RASAL3: variants seen among roughly 807,000 people sequenced by gnomAD.
The protein encoded by RASAL3 is RAS protein activator like-3.
In RASAL3, 74 loss-of-function variants were observed where a neutral mutation model predicts 105.5. That is an observed-to-expected ratio of 0.70 (90% CI 0.58 to 0.85). RASAL3 has a LOEUF of 0.85. RASAL3 is among the 40% of genes least tolerant of loss of function. The pLI is 0.00. For missense variants in RASAL3, 1,352 were observed against 1,392.0 expected (o/e 0.97, Z 0.46); for synonymous variants, 579 against 591.6 (o/e 0.98, Z 0.31).
chr19:15,452,487 C>T, intron 16 of RASAL3, 171 bp downstream of exon 16: 3 of 646,204 alleles, frequency 4.6e-6, no homozygotes, highest in Non-Finnish European at 5.2e-6. Context: ...GGTGGGTCCA[C>T]CTGGGGGCGG....
In RASAL3 at chr19:15,457,416, G is replaced by C; in HGVS notation, c.1307C>G (p.Ala436Gly). 6.9e-7 allele frequency: 1 copy of C among 1,447,692 alleles called. No individual in the cohort carries two copies. The allele number at this position is 1,447,692 out of a possible 1,614,324, so 89.7% of individuals were successfully genotyped here. ...CGCATAGTGGAAGGTGAGGAACTCC[G>C]CCAGCTCCTTGTAGCGCTCGGACGG... ...VLPSERYKEL[A>G]EFLTFHYARL... Residue 436 changes from alanine (A) to glycine (G), a missense_variant, in exon 9 of 18, where the codon GCG becomes GGG. Ala to Gly is a moderately conservative substitution (Grantham distance 60, BLOSUM62 0). Transcript: ENST00000343625. This position sits in a 1 kb window ranked among gnomAD's most constrained non-coding sequence, Gnocchi z 8.6.
intron 4 of RASAL3, 30 bp from the exon 5 acceptor site, chr19:15,461,151 G>A: frequency 6.2e-7 from 1 of 1,613,624 alleles, no homozygotes; most frequent in Non-Finnish European, 8.5e-7. Flanking sequence ...GCAGGTTGGG[G>A]GGTTGGATTC....
chr19:15,452,938 C>T, intron 15 of RASAL3, 123 bp from the exon 16 acceptor site: 1 of 1,458,400 alleles, frequency 6.9e-7, no homozygotes, highest in Non-Finnish European at 9.2e-7. Flanking sequence ...GGGAACATCC[C>T]TCCTGCGGTA....
rs903235768 is a variant in RASAL3 at position 15,456,584 on chromosome 19, C to G, written c.1494G>C (p.Leu498=). The G allele has an allele frequency of 6.2e-7, 1 of 1,613,756 alleles. No homozygotes were observed. Among genetic ancestry groups the G allele is most frequent in the Non-Finnish European group, 8.5e-7 (1 of 1,179,814 alleles). The change falls in exon 10 of 18, where the codon CTG becomes CTC. Residue 498 remains leucine, a synonymous_variant. Coordinates refer to ENST00000343625, the MANE Select transcript of RASAL3 (RefSeq NM_022904.3). This position sits in a 1 kb window ranked among gnomAD's most constrained non-coding sequence, Gnocchi z 4.4. Reference sequence around the variant, plus strand: ...TGGTGGCCAATGTGTTTTCCCGGAACAGCAGCGCCTCACGGCCTCCACAGC... The same window carrying G: ...TGGTGGCCAATGTGTTTTCCCGGAAGAGCAGCGCCTCACGGCCTCCACAGC... ...LARCGGREAL[L]FRENTLATKA... is the part of the protein sequence containing the mutation.
intron 4 of RASAL3, 48 bp from the exon 5 acceptor site, chr19:15,461,169 C>T (rs1370507672): frequency 2.5e-6 from 4 of 1,613,560 alleles, no homozygotes; most frequent in Non-Finnish European, 1.7e-6. Flanking sequence ...TTCTGCCCCA[C>T]TTTTAGAGCC....
Position 15,456,281 on chromosome 19 carries a change from G to A in RASAL3, c.1577-33C>T. The A allele has an allele frequency of 6.2e-7, 1 of 1,603,748 alleles. No individual in the cohort carries two copies. The stretch of plus-strand genomic sequence containing the variant: ...CCAGCACAGCCAGATAGGGGCTGGG[G>A]CCATGACCACCAAAACCTGCCACAC... On this transcript the variant is annotated intron_variant, in intron 10 of 17. Transcript: ENST00000343625. The surrounding 1 kb of genome is among the most constrained non-coding windows in gnomAD (Gnocchi z 4.4).
rs1970337768 is a variant in RASAL3, at chr19:15,456,851, CA to C, written c.1432-206del. 240 of 638,456 alleles carry C rather than the reference CA, an allele frequency of 3.8e-4. 4 individuals are homozygous for C. In the South Asian group the frequency reaches 4.8e-3, roughly 13 times the overall value. 39.5% of individuals were successfully genotyped at this position (638,456 alleles called of 1,614,324 possible). On this transcript the variant is annotated intron_variant, in intron 9 of 17. Coordinates refer to ENST00000343625, the MANE Select transcript of RASAL3 (RefSeq NM_022904.3). This position sits in a 1 kb window ranked among gnomAD's most constrained non-coding sequence, Gnocchi z 4.4. ...ATTTAAGCCTTTCAGCGCTGAGGTG[CA>C]ACCTGGGCCCCGCCCCTCACGCGTG...
intron 2 of RASAL3, among the ~76,000 whole-genome samples, chr19:15,463,664 G>T (rs1970580249): frequency 6.6e-6 from 1 of 152,202 alleles, no homozygotes; most frequent in African/African-American, 2.4e-5. Flanking sequence ...AGACACGGAA[G>T]CTAGAAGGTA....
rs1970319055 is a variant in RASAL3, at chr19:15,456,346, C to T, written c.1577-98G>A. 1 of 1,549,220 alleles carries T rather than the reference C, an allele frequency of 6.5e-7. No individual in the cohort carries two copies. Among genetic ancestry groups the T allele is most frequent in the Admixed American group, 1.9e-5 (1 of 53,342 alleles). On this transcript the variant is annotated intron_variant, in intron 10 of 17. Transcript: ENST00000343625. This position sits in a 1 kb window ranked among gnomAD's most constrained non-coding sequence, Gnocchi z 4.4. ...TGTCTTCAGGTTATTCCGGAGGCACCCAACATCTTGGGGAGCTCCCAATTG... is the reference window on the plus strand; with the variant it reads ...TGTCTTCAGGTTATTCCGGAGGCACTCAACATCTTGGGGAGCTCCCAATTG...
intron 15 of RASAL3, 31 bp from the exon 16 acceptor site, chr19:15,452,846 C>G (rs956853798): frequency 2.0e-6 from 3 of 1,505,456 alleles, no homozygotes; most frequent in Non-Finnish European, 2.7e-6. Context: ...TAATCTGACC[C>G]GTTGTCCCGC....
intron 6 of RASAL3, 137 bp from the exon 7 acceptor site, chr19:15,458,792 G>A (rs867056230): frequency 1.3e-4 from 115 of 889,320 alleles, no homozygotes; most frequent in Non-Finnish European, 1.6e-4. Flanking sequence ...CCCACCCCCC[G>A]CCATGGCACC....
Position 15,453,634 on chromosome 19 carries a change from C to T in RASAL3, c.2280-137G>A, listed in dbSNP as rs994530145. The T allele has an allele frequency of 5.7e-6, 5 of 884,384 alleles. No individual in the cohort carries two copies. The highest frequency in any genetic ancestry group is 7.9e-5 in the Admixed American group (2 of 25,294). The allele number at this position is 884,384 out of a possible 1,614,324, so 54.8% of individuals were successfully genotyped here. A position where few individuals can be genotyped will look rare whatever the true frequency, so the allele number is the denominator to read the frequency against. ...TTTTTGAGACAAGGTCTTGCTCTGT[C>T]GCCCAGGCTGGAGTGCAGTGGCTAG... On this transcript the variant is annotated intron_variant, in intron 14 of 17. Coordinates refer to ENST00000343625, the MANE Select transcript of RASAL3 (RefSeq NM_022904.3). The surrounding 1 kb of genome is among the most constrained non-coding windows in gnomAD (Gnocchi z 4.2).
rs1399611032 is a variant in RASAL3, at chr19:15,453,095, G to C, written c.2670+12C>G. The C allele has an allele frequency of 1.2e-6, 2 of 1,613,168 alleles. No homozygotes were observed. The highest frequency in any genetic ancestry group is 2.2e-5 in the South Asian group (2 of 91,010). ...TCCCACTCCCCAGGCGCGGACCTGGGCCTGACCTTACCTTGTTCACAGGTC... is the reference window on the plus strand; with the variant it reads ...TCCCACTCCCCAGGCGCGGACCTGGCCCTGACCTTACCTTGTTCACAGGTC... On this transcript the variant is annotated intron_variant, in intron 15 of 17. Coordinates refer to ENST00000343625, the MANE Select transcript of RASAL3 (RefSeq NM_022904.3). The surrounding 1 kb of genome is among the most constrained non-coding windows in gnomAD (Gnocchi z 4.2).
At chr19:15,452,001 C>A (rs1970165668) in intron 17 of RASAL3, 44 bp downstream of exon 17, 1 of 1,613,848 alleles carries the variant, frequency 6.2e-7, no homozygotes, top group African/African-American at 1.3e-5. Context: ...ACCCTTGCTC[C>A]TCCACCGCCC....
At chr19:15,451,976 G>A in intron 17 of RASAL3, 38 bp from the exon 18 acceptor site, 4 of 1,613,224 alleles carry the variant, frequency 2.5e-6, no homozygotes, top group Non-Finnish European at 3.4e-6. Flanking sequence ...GAAACCAGGA[G>A]AGGGCTGCAC....
chr19:15,464,372 G>C lies in RASAL3; in HGVS notation c.-14C>G, dbSNP rs764334727. 5.7e-6 allele frequency: 8 copies of C among 1,409,082 alleles called. No homozygotes were observed. The African/African-American group carries it at 7.2e-5, about 13-fold the overall frequency. 87.3% of individuals were successfully genotyped at this position (1,409,082 alleles called of 1,614,324 possible). ...CGGTGGGTCCATGGTTGGGGGGGGG[G>C]GTCTCCTGGGGGACGAGAGAGTGAC... On this transcript the variant is annotated 5_prime_UTR_variant, in exon 2 of 18. Transcript: ENST00000343625.
intron 2 of RASAL3, 125 bp from the exon 3 acceptor site, chr19:15,461,732 A>C (rs1397362236): frequency 7.4e-7 from 1 of 1,354,284 alleles, no homozygotes; most frequent in African/African-American, 1.5e-5. Context: ...CAGCCGTATC[A>C]GACTGTATGA....
In RASAL3 at chr19:15,458,544, C is replaced by T. The variant is rs772448333; in HGVS notation, c.774G>A (p.Glu258=). ...IWPLHPSLLG[E]PHCFQVTWTG... ...CTACACTTACCTGAAAGCAGTGGGG[C>T]TCCCCCAGGAGGCTGGGGTGCAGTG... Residue 258 remains glutamate, a synonymous_variant, in exon 7 of 18, where the codon GAG becomes GAA. Transcript: ENST00000343625. 1 of 1,613,774 alleles carries T rather than the reference C, an allele frequency of 6.2e-7. No individual in the cohort carries two copies. Among genetic ancestry groups the T allele is most frequent in the South Asian group, 1.1e-5 (1 of 91,020 alleles).
chr19:15,458,210 G>A, intron 8 of RASAL3, 118 bp downstream of exon 8: 1 of 879,700 alleles, frequency 1.1e-6, no homozygotes, highest in Non-Finnish European at 1.8e-6. Context: ...AACGATGCAG[G>A]CGGGGCAGGT....
Sources: allele counts gnomAD v4.1 joint callset (sites outside exome capture counted in the v4.1 genomes callset), GRCh38; gene constraint gnomAD v4.1.1; non-coding constraint Gnocchi (gnomAD v3.1); transcripts MANE v1.5; gene names NCBI Gene and HGNC (gene_info 2026-07-23, HGNC 2026-07-21).